The following CCDC148 variants were observed in gnomAD, a reference collection of about 807,000 sequenced individuals.
The protein encoded by CCDC148 is coiled-coil domain-containing protein 148.
In CCDC148, 89 loss-of-function variants were observed where a neutral mutation model predicts 85.7. The observed-to-expected ratio is 1.04, with a 90% CI of 0.87 to 1.24. The LOEUF (loss-of-function observed/expected upper bound fraction) is 1.24. CCDC148 is among the 50% of genes most tolerant of loss of function. CCDC148 has a pLI of 0.00. For missense variants in CCDC148, 692 were observed against 671.7 expected (o/e 1.03, Z -0.33); for synonymous variants, 230 against 213.9 (o/e 1.08, Z -0.66).
intron 1 of CCDC148, among the ~76,000 whole-genome samples, chr2:158,434,305 A>C (rs1456751218): frequency 6.6e-6 from 1 of 152,158 alleles, no homozygotes; most frequent in Non-Finnish European, 1.5e-5. Context: ...AACATTTGTC[A>C]TTCTGCAATA....
chr2:158,259,686 T>C (rs1024801368), intron 9 of CCDC148, among the ~76,000 whole-genome samples: 4 of 151,978 alleles, frequency 2.6e-5, no homozygotes, highest in Non-Finnish European at 4.4e-5. Flanking sequence ...TTTATTCATT[T>C]ATTTGTATAC....
In CCDC148 at chr2:158,456,406, C is replaced by T. The variant is rs1184369101; in HGVS notation, c.25+9G>A. The T allele has an allele frequency of 5.0e-6, 8 of 1,611,480 alleles. No homozygotes were observed. The highest frequency in any genetic ancestry group is 6.8e-6 in the Non-Finnish European group (8 of 1,178,938). On this transcript the variant is annotated intron_variant, in intron 1 of 13. Transcript: ENST00000283233. Reference sequence around the variant, plus strand: ...AAGCAGCGATGGAAGGGATGGGGTGCAAACTCACCTGGAGAAGCAGAAGCT... The same window carrying T: ...AAGCAGCGATGGAAGGGATGGGGTGTAAACTCACCTGGAGAAGCAGAAGCT...
At chr2:158,322,526 G>A (rs1346356566) in intron 7 of CCDC148, among the ~76,000 whole-genome samples, 1 of 151,920 alleles carries the variant, frequency 6.6e-6, no homozygotes, top group Non-Finnish European at 1.5e-5. Flanking sequence ...ATATCTGAGT[G>A]TTGGAAATTT....
intron 7 of CCDC148, among the ~76,000 whole-genome samples, chr2:158,329,480 C>G (rs1400533241): frequency 6.6e-6 from 1 of 152,000 alleles, no homozygotes; most frequent in Non-Finnish European, 1.5e-5. Flanking sequence ...TTAGGATTGA[C>G]TTGGCGATGT....
chr2:158,405,008 G>A (rs1189309207), intron 1 of CCDC148, among the ~76,000 whole-genome samples: 1 of 152,130 alleles, frequency 6.6e-6, no homozygotes, highest in African/African-American at 2.4e-5. Context: ...TAAGTCAGCA[G>A]CAAGGTTAAA....
At chr2:158,317,855 C>A (rs1221118959) in intron 7 of CCDC148, among the ~76,000 whole-genome samples, 2 of 152,112 alleles carry the variant, frequency 1.3e-5, no homozygotes, top group African/African-American at 4.8e-5. Flanking sequence ...GTAATTAGTG[C>A]CTCCTGAAGC....
intron 8 of CCDC148, among the ~76,000 whole-genome samples, chr2:158,312,756 A>G (rs1379587124): frequency 6.6e-6 from 1 of 152,180 alleles, no homozygotes; most frequent in Non-Finnish European, 1.5e-5. Flanking sequence ...TTATTTAAAA[A>G]TCCAGAGTGA....
intron 1 of CCDC148, among the ~76,000 whole-genome samples, chr2:158,390,537 T>C (rs139443532): frequency 6.6e-6 from 1 of 152,200 alleles, no homozygotes; most frequent in African/African-American, 2.4e-5. Flanking sequence ...TAAACAAAAT[T>C]CCTTCTCCAA....
intron 1 of CCDC148, among the ~76,000 whole-genome samples, chr2:158,364,935 G>C (rs1044642068): frequency 1.7e-4 from 26 of 152,126 alleles, no homozygotes; most frequent in Non-Finnish European, 7.3e-5. Context: ...CTAATATCCT[G>C]AATCTACAAA....
intron 9 of CCDC148, among the ~76,000 whole-genome samples, chr2:158,259,022 C>T (rs1479603282): frequency 6.6e-6 from 1 of 151,824 alleles, no homozygotes; most frequent in Admixed American, 6.6e-5. Flanking sequence ...GTTCCAGATG[C>T]ACCTTACAGA....
chr2:158,271,594 G>A (rs1269572288), intron 9 of CCDC148, among the ~76,000 whole-genome samples: 1 of 152,078 alleles, frequency 6.6e-6, no homozygotes, highest in Non-Finnish European at 1.5e-5. Context: ...TTGAGAGTGA[G>A]AGACCACGTT....
intron 10 of CCDC148, among the ~76,000 whole-genome samples, chr2:158,246,209 T>TG (rs1244987519): frequency 2.0e-5 from 3 of 152,042 alleles, no homozygotes; most frequent in African/African-American, 7.2e-5. Context: ...AGACAGCAGA[T>TG]GGGGGGAAAA....
At chr2:158,279,035 C>G (rs570171655) in intron 9 of CCDC148, among the ~76,000 whole-genome samples, 1 of 152,344 alleles carries the variant, frequency 6.6e-6, no homozygotes, top group East Asian at 1.9e-4. Context: ...GAGTGGACCT[C>G]TAGCAAACTC....
At chr2:158,245,518 C>T (rs540605432) in intron 10 of CCDC148, among the ~76,000 whole-genome samples, 18 of 152,268 alleles carry the variant, frequency 1.2e-4, no homozygotes, top group South Asian at 8.3e-4. Context: ...AATTTTGAAA[C>T]GCTAGACGAG....
intron 7 of CCDC148, among the ~76,000 whole-genome samples, chr2:158,316,491 A>G (rs1692288434): frequency 6.6e-6 from 1 of 152,232 alleles, no homozygotes; most frequent in African/African-American, 2.4e-5. Context: ...TGTTGATTTT[A>G]GAAGCCTCAC....
rs1291766744 is a variant in CCDC148, at chr2:158,259,578, T to C, written c.1111-8666A>G. 2.0e-5 allele frequency among the ~76,000 whole-genome samples: 3 copies of C among 151,570 alleles called. No individual in the cohort carries two copies. The East Asian group carries it at 5.9e-4, about 30-fold the overall frequency. ...TTCAAACCATTGTGTACACATATATTTATTGGATTAATTTTCACACATTTT... is the reference window on the plus strand; with the variant it reads ...TTCAAACCATTGTGTACACATATATCTATTGGATTAATTTTCACACATTTT... On this transcript the variant is annotated intron_variant, in intron 9 of 13. Coordinates refer to ENST00000283233, the MANE Select transcript of CCDC148 (RefSeq NM_138803.4).
At chr2:158,323,425 T>G (rs999973815) in intron 7 of CCDC148, among the ~76,000 whole-genome samples, 1 of 152,198 alleles carries the variant, frequency 6.6e-6, no homozygotes, top group Admixed American at 6.6e-5. Flanking sequence ...AAATTTCACC[T>G]TGTTCTTTTT....
At chr2:158,422,208 A>G (rs557270929) in intron 1 of CCDC148, among the ~76,000 whole-genome samples, 1 of 152,318 alleles carries the variant, frequency 6.6e-6, no homozygotes, top group East Asian at 1.9e-4. Context: ...AAATAATAGA[A>G]AAAGAGGGAA....
At chr2:158,398,259 G>T (rs1156279629) in intron 1 of CCDC148, among the ~76,000 whole-genome samples, 1 of 152,084 alleles carries the variant, frequency 6.6e-6, no homozygotes, top group East Asian at 1.9e-4. Flanking sequence ...CTTGAACTCA[G>T]CTCTGGACCA....
Sources: gnomAD v4.1 joint callset for allele counts (sites outside exome capture counted in the v4.1 genomes callset) on GRCh38, gnomAD v4.1.1 for gene constraint, MANE v1.5 for transcripts, NCBI Gene and HGNC (gene_info 2026-07-23, HGNC 2026-07-21) for gene names.